ANKDD1A: variants seen among roughly 807,000 people sequenced by gnomAD.
ANKDD1A encodes ankyrin repeat and death domain containing 1A.
ANKDD1A carries 59 observed loss-of-function variants against 63.5 expected under a neutral mutation model. That is an observed-to-expected ratio of 0.93 (90% CI 0.75 to 1.15). The LOEUF is 1.15. Ranked by LOEUF, ANKDD1A falls within the 50% of genes most tolerant of loss-of-function variation. The probability of loss-of-function intolerance (pLI) is 0.00; values close to 1 mark genes in which losing one functional copy is unlikely to be tolerated. For synonymous variants in ANKDD1A, 266 were observed against 263.9 expected (o/e 1.01, Z -0.08); for missense variants, 632 against 656.4 (o/e 0.96, Z 0.41).
At chr15:64,951,978 C>T (rs147642103) in intron 14 of ANKDD1A, among the ~76,000 whole-genome samples, 53 of 142,448 alleles carry the variant, frequency 3.7e-4, no homozygotes, top group African/African-American at 1.4e-3. Flanking sequence ...TTTCTTCTTC[C>T]TTCTTATTCT....
rs759122481 is a variant in ANKDD1A at position 64,947,399 on chromosome 15, C to T, written c.1162-5C>T. 6.2e-6 allele frequency: 10 copies of T among 1,609,798 alleles called. No homozygotes were observed. In the African/African-American group the frequency reaches 8.0e-5, roughly 13 times the overall value. On this transcript the variant is annotated splice_polypyrimidine_tract_variant and splice_region_variant and intron_variant, in intron 12 of 14. Coordinates refer to ENST00000319580, the MANE Select transcript of ANKDD1A (RefSeq NM_182703.6). Reference sequence around the variant, plus strand: ...GCTTCTGCACTTTTGGGATCTGCCCCACAGGACCACCCCAGTGATCCCTCT... The same window carrying T: ...GCTTCTGCACTTTTGGGATCTGCCCTACAGGACCACCCCAGTGATCCCTCT...
chr15:64,944,614 T>C, intron 11 of ANKDD1A, 38 bp from the exon 12 acceptor site: 1 of 1,596,146 alleles, frequency 6.3e-7, no homozygotes, highest in Non-Finnish European at 8.6e-7. Flanking sequence ...ACCCCTCCTG[T>C]AGAAACTCTG....
chr15:64,953,485 CTTCTTCTTTAGTTCTTCCTCCTCTTCCT>C, intron 14 of ANKDD1A, among the ~76,000 whole-genome samples: 1 of 34,450 alleles, frequency 2.9e-5, no homozygotes, highest in Non-Finnish European at 8.0e-5. Flanking sequence ...CTTCCTTCTC[CTTCTTCTTTAGTTCTTCCTCCTCTTCCT>C]TCTCCTTCTT....
At chr15:64,942,152 TGG>T (rs2085189088) in intron 9 of ANKDD1A, among the ~76,000 whole-genome samples, 1 of 152,160 alleles carries the variant, frequency 6.6e-6, no homozygotes, top group Non-Finnish European at 1.5e-5. Context: ...GGAGGGACCA[TGG>T]CAAACATCAC....
intron 13 of ANKDD1A, among the ~76,000 whole-genome samples, chr15:64,948,962 C>T (rs951769561): frequency 3.3e-5 from 5 of 152,218 alleles, no homozygotes; most frequent in Non-Finnish European, 5.9e-5. Flanking sequence ...AGCACTTGTA[C>T]ATTACAGTGG....
At chr15:64,931,343 G>A in intron 7 of ANKDD1A, 144 bp from the exon 8 acceptor site, 1 of 706,070 alleles carries the variant, frequency 1.4e-6, no homozygotes, top group Admixed American at 2.8e-5. Context: ...AAACAAGAAA[G>A]TTCATTGTTC....
chr15:64,935,265 G>A (rs538812486), intron 9 of ANKDD1A, among the ~76,000 whole-genome samples: 8 of 149,694 alleles, frequency 5.3e-5, no homozygotes, highest in East Asian at 4.1e-4. Flanking sequence ...GCATGGTGGC[G>A]TGAGCCTGTA....
rs1308268020 is a variant in ANKDD1A at position 64,917,433 on chromosome 15, G to T, written c.186G>T (p.Gln62His). The T allele has an allele frequency of 6.2e-7, 1 of 1,610,890 alleles. No homozygotes were observed. The stretch of plus-strand genomic sequence containing the variant: ...GGGCTGCAGGTGCAGGGCACGAGCA[G>T]GCTGTGCGTCTGCTTCTGGAGCACG... ...LHWAAGAGHE[Q>H]AVRLLLEHEA... Residue 62 changes from glutamine to histidine, a missense_variant, in exon 3 of 15, where the codon CAG becomes CAT. Transcript: ENST00000319580.
rs1232577627 is a variant in ANKDD1A at position 64,930,911 on chromosome 15, G to A, written c.660G>A (p.Glu220=). ...TGGACATCGGGCTGGACCTGGAGGA[G>A]CAGAATGCGGTGAGTCACCGCCTGG... is the stretch of plus-strand genomic sequence containing the variant. ...RLVDIGLDLE[E]QNAEGLTALH... Residue 220 remains glutamate (E), a synonymous_variant, in exon 7 of 15, where the codon GAG becomes GAA. Coordinates refer to ENST00000319580, the MANE Select transcript of ANKDD1A (RefSeq NM_182703.6). 2 of 1,611,418 alleles carry A rather than the reference G, an allele frequency of 1.2e-6. No individual in the cohort carries two copies. The highest frequency in any genetic ancestry group is 3.3e-5 in the Admixed American group (2 of 60,016).
chr15:64,934,069 G>A (rs181026977), intron 8 of ANKDD1A, 67 bp from the exon 9 acceptor site: 270 of 1,336,274 alleles, frequency 2.0e-4, no homozygotes, highest in African/African-American at 2.3e-4. Context: ...AATGAATCTC[G>A]AAGAGCTTTG....
intron 14 of ANKDD1A, among the ~76,000 whole-genome samples, chr15:64,952,076 CTTCCTTCTTTT>C (rs1459150925): frequency 1.3e-3 from 7 of 5,268 alleles, no homozygotes; most frequent in East Asian, 0.031. Context: ...CTTTCTTCTT[CTTCCTTCTTTT>C]CTTCCTCTTC....
At chr15:64,928,649 C>T (rs2085065491) in intron 6 of ANKDD1A, among the ~76,000 whole-genome samples, 1 of 152,198 alleles carries the variant, frequency 6.6e-6, no homozygotes. Context: ...TCCACGTGTA[C>T]TCTAGAATGC....
intron 13 of ANKDD1A, among the ~76,000 whole-genome samples, chr15:64,948,923 C>T (rs1018486719): frequency 2.0e-5 from 3 of 152,156 alleles, no homozygotes; most frequent in African/African-American, 4.8e-5. Flanking sequence ...AACGCTGCTA[C>T]GGATAAGAAC....
chr15:64,954,515 CTTT>C (rs1704624202), intron 14 of ANKDD1A, among the ~76,000 whole-genome samples: 1 of 104,226 alleles, frequency 9.6e-6, no homozygotes, highest in East Asian at 2.8e-4. Flanking sequence ...TTCTTCTCCT[CTTT>C]CTTCTCCTTC....
intron 3 of ANKDD1A, among the ~76,000 whole-genome samples, chr15:64,921,194 C>G (rs1346705010): frequency 6.6e-6 from 1 of 151,176 alleles, no homozygotes; most frequent in African/African-American, 2.4e-5. Context: ...AGTCTGGTTT[C>G]AAACTCCTGG....
At chr15:64,916,582 C>T (rs1410089280) in intron 2 of ANKDD1A, among the ~76,000 whole-genome samples, 1 of 152,232 alleles carries the variant, frequency 6.6e-6, no homozygotes, top group African/African-American at 2.4e-5. Flanking sequence ...CCACCTCAGC[C>T]TCCCGAAGTG....
rs558729943 is a variant in ANKDD1A, at chr15:64,924,954, T to C, written c.367-1112T>C. 3.9e-5 allele frequency among the ~76,000 whole-genome samples: 6 copies of C among 151,968 alleles called. No homozygotes were observed. The East Asian group carries it at 9.6e-4, about 24-fold the overall frequency. The stretch of plus-strand genomic sequence containing the variant: ...TGAAATACACACACTGGGCCGGGCG[T>C]GGTGGTTCATGCCTGTAATCCCAGG... On this transcript the variant is annotated intron_variant, in intron 4 of 14. Transcript: ENST00000319580.
rs1221194716 is a variant in ANKDD1A, at chr15:64,954,513, C to T, written c.1484-2590C>T. Among the ~76,000 whole-genome samples, 12 of 113,344 alleles carry T rather than the reference C, an allele frequency of 1.1e-4. No homozygotes were observed. In the Admixed American group the frequency reaches 1.1e-3, roughly 10 times the overall value. 74.4% of individuals were successfully genotyped at this position (113,344 alleles called of 152,430 possible). On this transcript the variant is annotated intron_variant, in intron 14 of 14. Transcript: ENST00000319580. ...CTTCTCCTTCTTCTTCCTTCTTCTCCTCTTTCTTCTCCTTCTTCCTCCTTC... is the reference window on the plus strand; with the variant it reads ...CTTCTCCTTCTTCTTCCTTCTTCTCTTCTTTCTTCTCCTTCTTCCTCCTTC...
At chr15:64,939,825 C>T (rs77366731) in intron 9 of ANKDD1A, among the ~76,000 whole-genome samples, 3,563 of 152,258 alleles carry the variant, frequency 0.023, 78 homozygotes, top group African/African-American at 0.061. Context: ...ACTAAAACCT[C>T]ACACCTTATA....
Sources: allele counts gnomAD v4.1 joint callset (sites outside exome capture counted in the v4.1 genomes callset), GRCh38; gene constraint gnomAD v4.1.1; transcripts MANE v1.5; gene names NCBI Gene and HGNC (gene_info 2026-07-23, HGNC 2026-07-21).